The following UGT2A2 variants were observed in gnomAD, a reference collection of about 807,000 sequenced individuals.
The protein encoded by UGT2A2 is UDP glucuronosyltransferase family 2 member A2, also known as UDP-glucuronosyltransferase 2A2.
UGT2A2 carries 60 observed loss-of-function variants against 50.7 expected under a neutral mutation model. The observed-to-expected ratio is 1.18, with a 90% CI of 0.96 to 1.47. The LOEUF (loss-of-function observed/expected upper bound fraction) is 1.47, where lower values mean the gene tolerates loss of function less well. UGT2A2 is among the 40% of genes most tolerant of loss of function. The probability of loss-of-function intolerance (pLI) is 0.00; values close to 1 mark genes in which losing one functional copy is unlikely to be tolerated. For missense variants in UGT2A2, 762 were observed against 634.0 expected, an observed-to-expected ratio of 1.20 and a Z score of -2.17; for synonymous variants, 242 against 214.6, an observed-to-expected ratio of 1.13 and a Z score of -1.11.
At chr4:69,600,119 A>G (rs1269126469) in intron 1 of UGT2A2, among the ~76,000 whole-genome samples, 5 of 152,202 alleles carry the variant, frequency 3.3e-5, no homozygotes, top group South Asian at 2.1e-4. Context: ...AGCCAGGTGA[A>G]AAACCATGAG....
At chr4:69,611,183 TCACTCAA>T (rs1161255797) in intron 1 of UGT2A2, among the ~76,000 whole-genome samples, 1 of 151,718 alleles carries the variant, frequency 6.6e-6, no homozygotes, top group African/African-American at 2.4e-5. Context: ...TCTTGCTCTG[TCACTCAA>T]GCTGGAGTGC....
intron 5 of UGT2A2, among the ~76,000 whole-genome samples, chr4:69,592,513 A>T (rs903948080): frequency 1.3e-5 from 2 of 152,196 alleles, no homozygotes; most frequent in Non-Finnish European, 2.9e-5. Flanking sequence ...AGCAAGAGGA[A>T]GTGATAAGGA....
chr4:69,636,092 G>T (rs1212536313), intron 1 of UGT2A2, among the ~76,000 whole-genome samples: 1 of 152,074 alleles, frequency 6.6e-6, no homozygotes, highest in Non-Finnish European at 1.5e-5. Context: ...TTTAACTGGT[G>T]CAATCAAATA....
At chr4:69,604,116 C>G (rs1300044212) in intron 1 of UGT2A2, among the ~76,000 whole-genome samples, 1 of 135,626 alleles carries the variant, frequency 7.4e-6, no homozygotes, top group Non-Finnish European at 1.6e-5. Context: ...ACATAATTGT[C>G]AGACTCACCA....
At position 69,639,280 on chromosome 4, in the gene UGT2A2, C is replaced by G. The variant is rs898656972; in HGVS notation, c.361G>C (p.Gly121Arg). 1 of 1,613,522 alleles carries G rather than the reference C, an allele frequency of 6.2e-7. No homozygotes were observed. Among genetic ancestry groups the G allele is most frequent in the Non-Finnish European group, 8.5e-7 (1 of 1,179,720 alleles). ...TGAAAGAAAGTGTCTAGAAGTTTTC[C>G]TAGTTCTTTGTAGAAAGCCCATATT... Reference protein sequence around the residue: ...LTIWAFYKELGKLLDTFFQIN... With the variant: ...LTIWAFYKELRKLLDTFFQIN... The change falls in exon 1 of 6, where the codon GGA (glycine) becomes CGA (arginine). Residue 121 changes from glycine (G) to arginine (R), a missense_variant. Physicochemically the swap from Gly to Arg is moderately radical, Grantham distance 125. Transcript: ENST00000604629.
intron 1 of UGT2A2, among the ~76,000 whole-genome samples, chr4:69,618,101 T>C (rs1457307698): frequency 6.6e-6 from 1 of 151,932 alleles, no homozygotes; most frequent in Non-Finnish European, 1.5e-5. Context: ...GATTACATGT[T>C]TTTATATAGA....
At chr4:69,607,369 T>C (rs1322773089) in intron 1 of UGT2A2, among the ~76,000 whole-genome samples, 2 of 151,480 alleles carry the variant, frequency 1.3e-5, no homozygotes, top group Non-Finnish European at 2.9e-5. Context: ...TAGCCATATG[T>C]AGAAAGCTGA....
chr4:69,619,042 C>T (rs1553905789), intron 1 of UGT2A2, among the ~76,000 whole-genome samples: 1 of 151,692 alleles, frequency 6.6e-6, no homozygotes, highest in South Asian at 2.1e-4. Context: ...TATGTATATA[C>T]ATTTGTAAAT....
At chr4:69,605,573 A>G (rs1719558569) in intron 1 of UGT2A2, among the ~76,000 whole-genome samples, 1 of 136,934 alleles carries the variant, frequency 7.3e-6, no homozygotes, top group South Asian at 2.4e-4. Flanking sequence ...AACTAAGATC[A>G]GAGCAGAACT....
At chr4:69,630,056 G>A (rs1024344290) in intron 1 of UGT2A2, among the ~76,000 whole-genome samples, 1 of 151,694 alleles carries the variant, frequency 6.6e-6, no homozygotes, top group Non-Finnish European at 1.5e-5. Flanking sequence ...ATATTTAAAC[G>A]TGACTTTAAA....
At chr4:69,630,353 T>A in intron 1 of UGT2A2, among the ~76,000 whole-genome samples, 1 of 152,064 alleles carries the variant, frequency 6.6e-6, no homozygotes, top group Admixed American at 6.6e-5. Flanking sequence ...TTACTCTTTA[T>A]AACTCCCCAT....
At position 69,596,242 on chromosome 4, in the gene UGT2A2, G is replaced by A. The variant is rs371936790; in HGVS notation, c.1023+8C>T. Reference sequence around the variant, plus strand: ...AAGCTGTGTACCAGGATTCCAGGCTGTACTGACCTTCTGTGGAATCTGGGC... The same window carrying A: ...AAGCTGTGTACCAGGATTCCAGGCTATACTGACCTTCTGTGGAATCTGGGC... On this transcript the variant is annotated splice_region_variant and intron_variant, in intron 3 of 5. Transcript: ENST00000604629. 3.8e-6 allele frequency: 6 copies of A among 1,564,740 alleles called. No homozygotes were observed. In the African/African-American group the frequency reaches 6.9e-5, roughly 18 times the overall value.
rs763916816 is a variant in UGT2A2, at chr4:69,595,187, A to G, written c.1086T>C (p.Asp362=). Residue 362 remains aspartate, a synonymous_variant, in exon 4 of 6, where the codon GAT becomes GAC. Transcript: ENST00000604629. ...CAAGAAGATCATTCTGGGGTATCCA[A>G]TCAAAGAGCTGAGTATTGTTTCCTA... ...ATLGNNTQLF[D]WIPQNDLLGH... 1.2e-6 allele frequency: 2 copies of G among 1,613,838 alleles called. No individual in the cohort carries two copies. Among genetic ancestry groups the G allele is most frequent in the Non-Finnish European group, 1.7e-6 (2 of 1,179,866 alleles).
chr4:69,627,207 G>A (rs1721109736), intron 1 of UGT2A2, among the ~76,000 whole-genome samples: 1 of 151,464 alleles, frequency 6.6e-6, no homozygotes, highest in East Asian at 1.9e-4. Flanking sequence ...ATAACACAAT[G>A]TTTACCTATT....
At chr4:69,591,195 C>G (rs562512384) in intron 5 of UGT2A2, among the ~76,000 whole-genome samples, 2 of 152,094 alleles carry the variant, frequency 1.3e-5, no homozygotes, top group South Asian at 4.1e-4. Context: ...TATGAGTGAC[C>G]ATGGCCCATG....
chr4:69,638,986 T>A lies in UGT2A2; in HGVS notation c.655A>T (p.Ile219Phe). ...AGAGAATAAGATATGGTATTTTTAA[T>A]CCTTTCACCAAAGGTCATCTGGTCA... ...LTDQMTFGER[I>F]KNTISYSLQD... is the part of the protein sequence containing the mutation. Residue 219 changes from isoleucine to phenylalanine, a missense_variant, in exon 1 of 6, where the codon ATT becomes TTT. Physicochemically the swap from Ile to Phe is conservative, Grantham distance 21. Transcript: ENST00000604629. 6.2e-7 allele frequency: 1 copy of A among 1,613,124 alleles called. No homozygotes were observed. The highest frequency in any genetic ancestry group is 8.5e-7 in the Non-Finnish European group (1 of 1,179,492).
Position 69,589,597 on chromosome 4 carries a change from C to T in UGT2A2, c.1386G>A (p.Lys462=), listed in dbSNP as rs1199276865. ...TCCAGAAGACTGCTCGATCCAGGGG[C>T]TTTACAGGTTGATCATGGTGAATTC... ...LSRIHHDQPV[K]PLDRAVFWIE... is the part of the protein sequence containing the mutation. The change falls in exon 6 of 6, where the codon AAG becomes AAA. Residue 462 remains lysine (K), a synonymous_variant. Transcript: ENST00000604629. 9 of 1,613,834 alleles carry T rather than the reference C, an allele frequency of 5.6e-6. No individual in the cohort carries two copies. Among genetic ancestry groups the T allele is most frequent in the Admixed American group, 1.7e-5 (1 of 59,990 alleles).
At position 69,589,087 on chromosome 4, in the gene UGT2A2, A is replaced by G. The variant is rs1188705033; in HGVS notation, c.*285T>C. 2.8e-5 allele frequency: 7 copies of G among 249,532 alleles called. No individual in the cohort carries two copies. The highest frequency in any genetic ancestry group is 5.4e-5 in the Non-Finnish European group (7 of 130,364). The allele number at this position is 249,532 out of a possible 1,614,324, so 15.5% of individuals were successfully genotyped here. A position where few individuals can be genotyped will look rare whatever the true frequency, so the allele number is the denominator to read the frequency against. On this transcript the variant is annotated 3_prime_UTR_variant, in exon 6 of 6. Transcript: ENST00000604629. ...TAATTTGATACTATGAATAGAACAT[A>G]TTTAAAATTAGGTAGTATCCTTGTG...
At chr4:69,608,275 A>T (rs1016762919) in intron 1 of UGT2A2, among the ~76,000 whole-genome samples, 4 of 152,104 alleles carry the variant, frequency 2.6e-5, no homozygotes, top group Admixed American at 2.6e-4. Flanking sequence ...TTGCAGGGAC[A>T]TGGATGAAGC....
Sources: gnomAD v4.1 joint callset for allele counts (sites outside exome capture counted in the v4.1 genomes callset) on GRCh38, gnomAD v4.1.1 for gene constraint, MANE v1.5 for transcripts, NCBI Gene and HGNC (gene_info 2026-07-23, HGNC 2026-07-21) for gene names.